Variants in CERT1 observed in about 807,000 individuals in gnomAD.
CERT1 encodes ceramide transporter 1.
In CERT1, 31 loss-of-function variants were observed where a neutral mutation model predicts 87.9. The observed-to-expected ratio is 0.35, with a 90% confidence interval of 0.27 to 0.48. The LOEUF (loss-of-function observed/expected upper bound fraction) is 0.48. Among genes scored for constraint, CERT1 ranks in the 20% least tolerant of loss-of-function variants. The pLI, the probability that CERT1 is intolerant of heterozygous loss-of-function variation, is 0.99. For synonymous variants in CERT1, 289 were observed against 250.9 expected (o/e 1.15, Z -1.44); for missense variants, 487 against 758.0 (o/e 0.64, Z 4.20).
intron 3 of CERT1, among the ~76,000 whole-genome samples, chr5:75,458,079 G>A (rs897955629): frequency 6.6e-6 from 1 of 151,990 alleles, no homozygotes; most frequent in African/African-American, 2.4e-5. Context: ...AGGCAAGTAC[G>A]TAAACAAGCA....
At chr5:75,459,957 C>T (rs1348073172) in intron 2 of CERT1, among the ~76,000 whole-genome samples, 3 of 125,570 alleles carry the variant, frequency 2.4e-5, no homozygotes, top group Non-Finnish European at 4.8e-5. Context: ...GTGAGTCCTC[C>T]GTCTCAAAAA....
At chr5:75,428,823 T>C (rs1270091412) in intron 3 of CERT1, among the ~76,000 whole-genome samples, 1 of 152,184 alleles carries the variant, frequency 6.6e-6, no homozygotes, top group African/African-American at 2.4e-5. Flanking sequence ...AAAGAACTGA[T>C]GGTACCTAAA....
chr5:75,492,422 C>A (rs1194114490), intron 2 of CERT1, among the ~76,000 whole-genome samples: 3 of 152,036 alleles, frequency 2.0e-5, no homozygotes, highest in African/African-American at 7.2e-5. Flanking sequence ...AGAATGAGAT[C>A]TAAAGTGGTT....
At chr5:75,451,181 T>A (rs938428919) in intron 3 of CERT1, among the ~76,000 whole-genome samples, 1 of 152,156 alleles carries the variant, frequency 6.6e-6, no homozygotes, top group Non-Finnish European at 1.5e-5. Context: ...TGTGGTGTTT[T>A]AAAAAAATTT....
At chr5:75,454,941 C>T (rs371833611) in intron 3 of CERT1, among the ~76,000 whole-genome samples, 47 of 152,246 alleles carry the variant, frequency 3.1e-4, no homozygotes, top group East Asian at 2.7e-3. Context: ...CAACTGGTGA[C>T]GACCAGCTCA....
downstream of CERT1, chr5:75,375,338 A>G (rs966868077): frequency 3.3e-5 from 5 of 152,178 alleles, no homozygotes; most frequent in African/African-American, 1.2e-4. Flanking sequence ...TAATCCCAGC[A>G]CTTTGGGAGG....
intron 2 of CERT1, among the ~76,000 whole-genome samples, chr5:75,477,091 AC>A (rs1015200194): frequency 6.0e-4 from 91 of 152,220 alleles, no homozygotes; most frequent in African/African-American, 2.0e-3. Context: ...AGTATGAAAA[AC>A]GGTTGTTTTT....
At chr5:75,438,874 T>C (rs1374610296) in intron 3 of CERT1, among the ~76,000 whole-genome samples, 1 of 151,970 alleles carries the variant, frequency 6.6e-6, no homozygotes, top group Non-Finnish European at 1.5e-5. Flanking sequence ...TTACTACTTC[T>C]GAATACTACA....
At chr5:75,403,079 G>C in intron 8 of CERT1, 21 bp from the exon 9 acceptor site, 1 of 1,510,018 alleles carries the variant, frequency 6.6e-7, no homozygotes, top group Non-Finnish European at 9.1e-7. Context: ...ACACAGTGGA[G>C]AAAAAAGCAG....
intron 12 of CERT1, 57 bp from the exon 13 acceptor site, chr5:75,386,091 CA>C: frequency 7.4e-7 from 1 of 1,352,242 alleles, no homozygotes; most frequent in Non-Finnish European, 9.7e-7. Context: ...CCCATAAAAG[CA>C]GGAAAGCATG....
At chr5:75,382,930 GGAT>G (rs1330202789) in intron 14 of CERT1, among the ~76,000 whole-genome samples, 2 of 151,784 alleles carry the variant, frequency 1.3e-5, no homozygotes, top group Admixed American at 6.6e-5. Context: ...CAAATCCACA[GGAT>G]GATAAGATAG....
rs747504930 is a variant in CERT1, at chr5:75,380,929, T to C, written c.1747+143A>G. ...ATCTGTACTTTCAAAGATTCTCTAG[T>C]AATTCTGATATACCTTTCTCCAAAT... On this transcript the variant is annotated intron_variant, in intron 16 of 16. Transcript: ENST00000643780. The C allele has an allele frequency of 1.7e-5, 14 of 817,492 alleles. No homozygotes were observed. In the East Asian group the frequency reaches 2.3e-4, roughly 13 times the overall value. The allele number at this position is 817,492 out of a possible 1,614,324, so 50.6% of individuals were successfully genotyped here.
chr5:75,462,218 TG>T (rs1407816452), intron 2 of CERT1, among the ~76,000 whole-genome samples: 2 of 151,824 alleles, frequency 1.3e-5, no homozygotes, highest in Admixed American at 6.6e-5. Context: ...CATTGAGAGG[TG>T]ATAAATATAA....
At chr5:75,442,454 C>G (rs1443831059) in intron 3 of CERT1, among the ~76,000 whole-genome samples, 7 of 152,186 alleles carry the variant, frequency 4.6e-5, no homozygotes, top group African/African-American at 1.7e-4. Context: ...GTCCTGGGTT[C>G]AAGCAATCCA....
At chr5:75,448,261 C>A (rs941822720) in intron 3 of CERT1, among the ~76,000 whole-genome samples, 2 of 152,122 alleles carry the variant, frequency 1.3e-5, no homozygotes, top group African/African-American at 4.8e-5. Flanking sequence ...CTAAAAAGAA[C>A]AAGGGGCTAA....
intron 3 of CERT1, among the ~76,000 whole-genome samples, chr5:75,455,004 C>CA (rs920195079): frequency 2.0e-5 from 3 of 151,982 alleles, no homozygotes; most frequent in African/African-American, 7.2e-5. Context: ...AAACTTGCAC[C>CA]AAAAAAAGGT....
chr5:75,407,635 A>G (rs934293395), intron 8 of CERT1, among the ~76,000 whole-genome samples: 3 of 152,128 alleles, frequency 2.0e-5, no homozygotes, highest in African/African-American at 7.2e-5. Flanking sequence ...ATGAAATCAT[A>G]TTCTTTGCAG....
chr5:75,496,304 C>CA (rs1265374827), intron 2 of CERT1, among the ~76,000 whole-genome samples: 7 of 148,720 alleles, frequency 4.7e-5, no homozygotes, highest in African/African-American at 1.7e-4. Context: ...AAAAAAAACC[C>CA]AAAAAATGTG....
rs377704800 is a variant in CERT1, at chr5:75,501,834, TA to T, written c.231+4147del. On this transcript the variant is annotated intron_variant, in intron 2 of 16. Transcript: ENST00000643780. ...ATCAATATCACTCCTTAAACTAAAA[TA>T]ACTTCCACAGGAATCAAAATTCAAG... Among the ~76,000 whole-genome samples the T allele has an allele frequency of 5.2e-3, 785 of 152,222 alleles. 4 individuals carry two copies. Among genetic ancestry groups the T allele is most frequent in the Admixed American group, 7.6e-3 (116 of 15,296 alleles).
Sources: allele counts gnomAD v4.1 joint callset (sites outside exome capture counted in the v4.1 genomes callset), GRCh38; gene constraint gnomAD v4.1.1; transcripts MANE v1.5; gene names NCBI Gene and HGNC (gene_info 2026-07-23, HGNC 2026-07-21).